Variants in LAMTOR3 observed in about 807,000 individuals in gnomAD.
LAMTOR3 encodes the protein ragulator complex protein LAMTOR3.
A neutral mutation model predicts 20.3 loss-of-function variants in LAMTOR3; 14 were observed. The ratio of observed to expected loss-of-function variants is 0.69; its 90% CI spans 0.46 to 1.08. The LOEUF is 1.08. Among genes scored for constraint, LAMTOR3 ranks in the 50% least tolerant of loss-of-function variants. The pLI is 0.00. For missense variants in LAMTOR3, 125 were observed against 143.7 expected (o/e 0.87, Z 0.67); for synonymous variants, 40 against 49.4 (o/e 0.81, Z 0.80).
At chr4:99,884,172 T>A in intron 5 of LAMTOR3, 47 bp from the exon 6 acceptor site, 1 of 1,401,594 alleles carries the variant, frequency 7.1e-7, no homozygotes, top group Non-Finnish European at 1.0e-6. Context: ...TATGAAAAGG[T>A]AGTATAACTA....
intron 3 of LAMTOR3, among the ~76,000 whole-genome samples, chr4:99,891,734 G>A (rs535511215): frequency 6.6e-6 from 1 of 152,238 alleles, no homozygotes; most frequent in East Asian, 1.9e-4. Flanking sequence ...AGAAAGTAAA[G>A]AATTATAGAA....
At chr4:99,883,320 A>G (rs1724861962) in intron 6 of LAMTOR3, among the ~76,000 whole-genome samples, 1 of 152,028 alleles carries the variant, frequency 6.6e-6, no homozygotes, top group Admixed American at 6.6e-5. Flanking sequence ...AGTTTGGAAG[A>G]AAAAACAAAT....
upstream of LAMTOR3, chr4:99,894,430 C>T (rs1725088630): frequency 1.3e-5 from 2 of 154,244 alleles, no homozygotes; most frequent in South Asian, 4.1e-4. Context: ...TGATTCATGA[C>T]CTCGTCTGCG....
intron 1 of LAMTOR3, 72 bp downstream of exon 1, chr4:99,894,263 T>C (rs1725081073): frequency 2.9e-6 from 1 of 345,458 alleles, no homozygotes; most frequent in Non-Finnish European, 5.2e-6. Flanking sequence ...GGTCCTCTCC[T>C]TCTGTTTAAT....
intron 4 of LAMTOR3, among the ~76,000 whole-genome samples, chr4:99,886,052 A>T (rs916509273): frequency 6.6e-6 from 1 of 152,264 alleles, no homozygotes; most frequent in South Asian, 2.1e-4. Flanking sequence ...TAAAACCCAC[A>T]GCAGCAGTAT....
chr4:99,886,577 T>C (rs1051788944), intron 4 of LAMTOR3, among the ~76,000 whole-genome samples: 3 of 152,226 alleles, frequency 2.0e-5, no homozygotes, highest in African/African-American at 7.2e-5. Flanking sequence ...CAAGTGTCTT[T>C]GCACTTTATC....
At position 99,878,374 on chromosome 4, in the gene LAMTOR3, C is replaced by A. The variant is rs926236341; in HGVS notation, c.*3620G>T. On this transcript the variant is annotated 3_prime_UTR_variant, in exon 7 of 7. Transcript: ENST00000499666. ...GAGAGCCCTGAGACAACTTTCTTCCCCAAATATCCCATTTTATTGTTTGTT... is the reference window on the plus strand; with the variant it reads ...GAGAGCCCTGAGACAACTTTCTTCCACAAATATCCCATTTTATTGTTTGTT... 6.6e-6 allele frequency: 1 copy of A among 152,182 alleles called. No homozygotes were observed. Among genetic ancestry groups the A allele is most frequent in the African/African-American group, 2.4e-5 (1 of 41,440 alleles). The allele number at this position is 152,182 out of a possible 1,614,324, so 9.4% of individuals were successfully genotyped here.
chr4:99,883,550 G>T (rs750934192), intron 6 of LAMTOR3, among the ~76,000 whole-genome samples: 1 of 151,922 alleles, frequency 6.6e-6, no homozygotes, highest in Non-Finnish European at 1.5e-5. Context: ...AAATTCTTCA[G>T]TTCTCAAGAA....
chr4:99,878,588 A>C lies in LAMTOR3; in HGVS notation c.*3406T>G, dbSNP rs1404961360. 6.6e-6 allele frequency: 1 copy of C among 152,190 alleles called. No homozygotes were observed. The highest frequency in any genetic ancestry group is 1.5e-5 in the Non-Finnish European group (1 of 68,028). The allele number at this position is 152,190 out of a possible 1,614,324, so 9.4% of individuals were successfully genotyped here. A position where few individuals can be genotyped will look rare whatever the true frequency, so the allele number is the denominator to read the frequency against. The stretch of plus-strand genomic sequence containing the variant: ...AGAGACAGTCTACCATATACAAACA[A>C]ATAGGAATACATACACATTTTTTCT... On this transcript the variant is annotated 3_prime_UTR_variant, in exon 7 of 7. Transcript: ENST00000499666.
intron 3 of LAMTOR3, 103 bp from the exon 4 acceptor site, chr4:99,887,457 A>G (rs1724949706): frequency 2.3e-6 from 1 of 433,778 alleles, no homozygotes; most frequent in Non-Finnish European, 3.8e-6. Flanking sequence ...CACCTCAAAG[A>G]CATAATAATT....
intron 2 of LAMTOR3, among the ~76,000 whole-genome samples, chr4:99,893,411 CTCT>C (rs1725061090): frequency 6.6e-6 from 1 of 152,144 alleles, no homozygotes; most frequent in Admixed American, 6.5e-5. Flanking sequence ...AATCAGGTAT[CTCT>C]TGTTTTGAGC....
intron 4 of LAMTOR3, 150 bp from the exon 5 acceptor site, chr4:99,885,825 A>C: frequency 1.6e-6 from 1 of 619,172 alleles, no homozygotes. Context: ...GGGTCTCATC[A>C]CTAATCAGGA....
Position 99,878,875 on chromosome 4 carries a change from A to C in LAMTOR3, c.*3119T>G, listed in dbSNP as rs756299476. The C allele has an allele frequency of 1.3e-5, 2 of 152,230 alleles. No individual in the cohort carries two copies. The highest frequency in any genetic ancestry group is 2.4e-5 in the African/African-American group (1 of 41,460). 9.4% of individuals were successfully genotyped at this position (152,230 alleles called of 1,614,324 possible). A position where few individuals can be genotyped will look rare whatever the true frequency, so the allele number is the denominator to read the frequency against. On this transcript the variant is annotated 3_prime_UTR_variant, in exon 7 of 7. Transcript: ENST00000499666. ...AAAAGCCAAAGCATATGGTTATCCT[A>C]CCTATGGCAGATATTTAGGTTGCTT...
chr4:99,893,472 TACAC>T (rs142277205), intron 2 of LAMTOR3, among the ~76,000 whole-genome samples: 2 of 150,622 alleles, frequency 1.3e-5, no homozygotes, highest in African/African-American at 2.4e-5. Context: ...TTTATCCTCC[TACAC>T]ACACACACAC....
chr4:99,881,974 A>C lies in LAMTOR3; in HGVS notation c.*20T>G, dbSNP rs776856839. 6.6e-7 allele frequency: 1 copy of C among 1,505,730 alleles called. No homozygotes were observed. The highest frequency in any genetic ancestry group is 9.2e-7 in the Non-Finnish European group (1 of 1,084,658). The allele number at this position is 1,505,730 out of a possible 1,614,324, so 93.3% of individuals were successfully genotyped here. A position where few individuals can be genotyped will look rare whatever the true frequency, so the allele number is the denominator to read the frequency against. ...TGTTGTTATAATGAAGATAAGGTAC[A>C]CACTGAAACCACTGTCAGATTAAGA... On this transcript the variant is annotated 3_prime_UTR_variant, in exon 7 of 7. Coordinates refer to ENST00000499666, the MANE Select transcript of LAMTOR3 (RefSeq NM_021970.4).
Position 99,880,573 on chromosome 4 carries a change from G to C in LAMTOR3, c.*1421C>G, listed in dbSNP as rs1451185045. The C allele has an allele frequency of 6.6e-6, 1 of 152,244 alleles. No homozygotes were observed. The highest frequency in any genetic ancestry group is 1.9e-4 in the East Asian group (1 of 5,192). 9.4% of individuals were successfully genotyped at this position (152,244 alleles called of 1,614,324 possible). ...ATGCCACCACTGCACTCCAGACTGG[G>C]CAACACAGCAAGACTCTGTCTCTTA... is the stretch of plus-strand genomic sequence containing the variant. On this transcript the variant is annotated 3_prime_UTR_variant, in exon 7 of 7. Coordinates refer to ENST00000499666, the MANE Select transcript of LAMTOR3 (RefSeq NM_021970.4).
chr4:99,878,629 G>A lies in LAMTOR3; in HGVS notation c.*3365C>T, dbSNP rs1029070183. 1.3e-5 allele frequency: 2 copies of A among 152,062 alleles called. No individual in the cohort carries two copies. The highest frequency in any genetic ancestry group is 6.6e-5 in the Admixed American group (1 of 15,254). The allele number at this position is 152,062 out of a possible 1,614,324, so 9.4% of individuals were successfully genotyped here. On this transcript the variant is annotated 3_prime_UTR_variant, in exon 7 of 7. Transcript: ENST00000499666. ...CATTTTTTCTTCTTATACATCAATT[G>A]TAGCATGCCATACAGTTTGACACCA...
rs529380742 is a variant in LAMTOR3 at position 99,886,375 on chromosome 4, G to A, written c.104-700C>T. Among the ~76,000 whole-genome samples, 46 of 152,292 alleles carry A rather than the reference G, an allele frequency of 3.0e-4. 1 individual carries two copies. The South Asian group carries it at 6.0e-3, about 20-fold the overall frequency. Reference sequence around the variant, plus strand: ...ACTGTTTTGTTACTGACTCATGTCCGACTTTGGACGGCAATGTCCGAAGAT... The same window carrying A: ...ACTGTTTTGTTACTGACTCATGTCCAACTTTGGACGGCAATGTCCGAAGAT... On this transcript the variant is annotated intron_variant, in intron 4 of 6. Transcript: ENST00000499666.
At chr4:99,884,693 G>A (rs142520467) in intron 5 of LAMTOR3, among the ~76,000 whole-genome samples, 47 of 152,230 alleles carry the variant, frequency 3.1e-4, no homozygotes, top group African/African-American at 4.1e-4. Flanking sequence ...GGCCTGGCAC[G>A]GTGGCTCACA....
Sources: allele counts gnomAD v4.1 joint callset (sites outside exome capture counted in the v4.1 genomes callset), GRCh38; gene constraint gnomAD v4.1.1; transcripts MANE v1.5; gene names NCBI Gene and HGNC (gene_info 2026-07-23, HGNC 2026-07-21).